MAF: variants seen among roughly 807,000 people sequenced by gnomAD.
MAF encodes transcription factor Maf.
In MAF, 10 loss-of-function variants were observed where a neutral mutation model predicts 22.0. That is an observed-to-expected ratio of 0.45 (90% CI 0.28 to 0.77). The LOEUF (loss-of-function observed/expected upper bound fraction) is 0.77, where lower values mean the gene tolerates loss of function less well. Among genes scored for constraint, MAF ranks in the 30% least tolerant of loss-of-function variants. The pLI is 0.12. For missense variants in MAF, 544 were observed against 548.4 expected, an observed-to-expected ratio of 0.99 and a Z score of 0.08; for synonymous variants, 337 against 255.8, an observed-to-expected ratio of 1.32 and a Z score of -3.03.
the MAF span, among the ~76,000 whole-genome samples, chr16:79,261,788 G>C: frequency 6.6e-6 from 1 of 152,190 alleles, no homozygotes; most frequent in African/African-American, 2.4e-5. Flanking sequence ...TGGCCTCAAA[G>C]ACAATTTCAT....
chr16:79,224,459 A>T, the MAF span, among the ~76,000 whole-genome samples: 2 of 152,238 alleles, frequency 1.3e-5, no homozygotes, highest in African/African-American at 4.8e-5. Flanking sequence ...CAAGACAAGG[A>T]TGCCCTCTCT....
At chr16:79,261,212 G>C in the MAF span, among the ~76,000 whole-genome samples, 2 of 152,094 alleles carry the variant, frequency 1.3e-5, no homozygotes, top group African/African-American at 4.8e-5. Context: ...GAGTACAATG[G>C]CATGATCTCA....
chr16:79,211,034 A>AGTGTGT, the MAF span, among the ~76,000 whole-genome samples: 3,326 of 149,632 alleles, frequency 0.022, 55 homozygotes, highest in Middle Eastern at 0.083. Context: ...TATGGTGAGG[A>AGTGTGT]GTGTGTGTGT....
At chr16:79,212,454 A>C in the MAF span, 1 of 253,420 alleles carries the variant, frequency 3.9e-6, no homozygotes, top group Non-Finnish European at 7.6e-6. Flanking sequence ...ATTATAACAA[A>C]TTTTTCAAAT....
chr16:79,357,253 C>CTCAACAACA, the MAF span, among the ~76,000 whole-genome samples: 33 of 146,082 alleles, frequency 2.3e-4, no homozygotes, highest in African/African-American at 8.3e-4. Context: ...AAGACTCTGT[C>CTCAACAACA]ACAACAACAA....
chr16:79,275,215 G>A, the MAF span, among the ~76,000 whole-genome samples: 1 of 152,162 alleles, frequency 6.6e-6, no homozygotes, highest in Non-Finnish European at 1.5e-5. Context: ...AATTAGCTGG[G>A]TGTGGTGGTG....
At chr16:79,220,828 T>C in the MAF span, among the ~76,000 whole-genome samples, 2 of 152,224 alleles carry the variant, frequency 1.3e-5, no homozygotes, top group East Asian at 3.8e-4. Context: ...AGAGTAGGTA[T>C]GTTTCACCCA....
chr16:79,361,899 G>T, the MAF span, among the ~76,000 whole-genome samples: 1 of 152,320 alleles, frequency 6.6e-6, no homozygotes, highest in Non-Finnish European at 1.5e-5. Flanking sequence ...CAGACAGAAC[G>T]TTTGTCCTGC....
chr16:79,523,788 A>G, the MAF span, among the ~76,000 whole-genome samples: 1 of 152,202 alleles, frequency 6.6e-6, no homozygotes, highest in Admixed American at 6.5e-5. Flanking sequence ...TCCTAAAATC[A>G]TGCGCATCGT....
chr16:79,235,915 G>T, the MAF span, among the ~76,000 whole-genome samples: 1 of 151,950 alleles, frequency 6.6e-6, no homozygotes, highest in Non-Finnish European at 1.5e-5. Flanking sequence ...ATCCCTCACT[G>T]CAAGCCAAGC....
chr16:79,530,672 C>T, the MAF span, among the ~76,000 whole-genome samples: 1 of 152,080 alleles, frequency 6.6e-6, no homozygotes, highest in Admixed American at 6.5e-5. Flanking sequence ...TGACTGAGTG[C>T]TTATTATTTT....
At chr16:79,471,334 G>C in the MAF span, among the ~76,000 whole-genome samples, 9 of 152,192 alleles carry the variant, frequency 5.9e-5, no homozygotes, top group Non-Finnish European at 1.3e-4. Flanking sequence ...AGCACTCCCT[G>C]TTATTTTTTC....
chr16:79,394,743 A>C, the MAF span, among the ~76,000 whole-genome samples: 1 of 152,160 alleles, frequency 6.6e-6, no homozygotes, highest in South Asian at 2.1e-4. Flanking sequence ...CCATACCCAG[A>C]CACTCCTACT....
At chr16:79,374,777 C>T in the MAF span, among the ~76,000 whole-genome samples, 1 of 152,196 alleles carries the variant, frequency 6.6e-6, no homozygotes, top group African/African-American at 2.4e-5. Flanking sequence ...TCTCTTTCTT[C>T]ATCTTTTCTT....
the MAF span, among the ~76,000 whole-genome samples, chr16:79,307,942 G>A: frequency 2.6e-5 from 4 of 152,308 alleles, no homozygotes; most frequent in East Asian, 7.7e-4. Context: ...ATCTTTGACT[G>A]TCATAAATAT....
the MAF span, among the ~76,000 whole-genome samples, chr16:79,532,409 T>C: frequency 6.6e-6 from 1 of 152,118 alleles, no homozygotes; most frequent in African/African-American, 2.4e-5. Flanking sequence ...AGAAAAAAAG[T>C]GAAACAAATG....
the MAF span, among the ~76,000 whole-genome samples, chr16:79,283,269 T>A: frequency 6.6e-6 from 1 of 152,200 alleles, no homozygotes. Flanking sequence ...AAGAAAACCA[T>A]CTTTCTAGAA....
At chr16:79,439,469 C>A in the MAF span, among the ~76,000 whole-genome samples, 729 of 152,022 alleles carry the variant, frequency 4.8e-3, 7 homozygotes, top group African/African-American at 0.017. Flanking sequence ...ACCTTGTTAG[C>A]CAGGATGGTC....
At position 79,598,910 on chromosome 16, in the gene MAF, C is replaced by A. The variant is rs1421696997; in HGVS notation, c.993G>T (p.Lys331Asn). ...CGCGCACCAGCCTGGAGATCTCCTG[C>A]TTGAGGTGGTCGACTTGCTGCAGCA... ...NQLLQQVDHL[K>N]QEISRLVRER... The change falls in exon 1 of 2, where the codon AAG becomes AAT. Residue 331 changes from lysine to asparagine, a missense_variant. Around this residue, in one of 5 missense-constraint regions of MAF, gnomAD observed 129 missense variants for 113.6 expected, o/e 1.14. Coordinates refer to ENST00000326043, the MANE Select transcript of MAF (RefSeq NM_005360.5). 4 of 1,613,664 alleles carry A rather than the reference C, an allele frequency of 2.5e-6. No individual in the cohort carries two copies. Among genetic ancestry groups the A allele is most frequent in the Non-Finnish European group, 3.4e-6 (4 of 1,179,988 alleles).
Sources: gnomAD v4.1 joint callset for allele counts (sites outside exome capture counted in the v4.1 genomes callset) on GRCh38, gnomAD v4.1.1 for gene constraint, gnomAD v4.1.1 regional missense constraint, MANE v1.5 for transcripts, NCBI Gene and HGNC (gene_info 2026-07-23, HGNC 2026-07-21) for gene names.